Variants in RAB7A observed in about 807,000 individuals in gnomAD.
RAB7A encodes ras-related protein Rab-7a.
In RAB7A, 2 loss-of-function variants were observed where a neutral mutation model predicts 24.5. The observed-to-expected ratio is 0.08, with a 90% CI of 0.03 to 0.26. The LOEUF is 0.26. Among genes scored for constraint, RAB7A ranks in the 10% least tolerant of loss-of-function variants. The pLI, the probability that RAB7A is intolerant of heterozygous loss-of-function variation, is 1.00. For missense variants in RAB7A, 118 were observed against 255.7 expected, an observed-to-expected ratio of 0.46 and a Z score of 3.67; for synonymous variants, 100 against 95.9, an observed-to-expected ratio of 1.04 and a Z score of -0.25.
intron 1 of RAB7A, among the ~76,000 whole-genome samples, chr3:128,793,341 G>T (rs1036752807): frequency 1.3e-5 from 2 of 151,576 alleles, no homozygotes; most frequent in African/African-American, 4.9e-5. Flanking sequence ...TTTTAGTAGA[G>T]ACAGGGTTTC....
intron 1 of RAB7A, among the ~76,000 whole-genome samples, chr3:128,780,043 C>G (rs1276105464): frequency 6.6e-6 from 1 of 152,202 alleles, no homozygotes; most frequent in Non-Finnish European, 1.5e-5. Context: ...GCTGTATTCT[C>G]ATGCTGATCA....
At chr3:128,809,239 ATC>A (rs765940895) in intron 5 of RAB7A, among the ~76,000 whole-genome samples, 7 of 152,120 alleles carry the variant, frequency 4.6e-5, no homozygotes, top group Non-Finnish European at 2.9e-5. Context: ...CGGAGGGTGT[ATC>A]TTATTGTAAG....
At chr3:128,730,481 G>A (rs2070425237) in intron 1 of RAB7A, among the ~76,000 whole-genome samples, 1 of 152,190 alleles carries the variant, frequency 6.6e-6, no homozygotes, top group Admixed American at 6.5e-5. Flanking sequence ...ACCCGCCTCG[G>A]CCTCCCAAAG....
intron 1 of RAB7A, among the ~76,000 whole-genome samples, chr3:128,773,906 A>T (rs966474788): frequency 3.4e-4 from 51 of 151,356 alleles, no homozygotes; most frequent in Admixed American, 9.2e-4. Context: ...AGTCATCACC[A>T]CTCCCTAATC....
intron 1 of RAB7A, among the ~76,000 whole-genome samples, chr3:128,752,238 A>G (rs2070689485): frequency 6.6e-6 from 1 of 152,220 alleles, no homozygotes; most frequent in Non-Finnish European, 1.5e-5. Flanking sequence ...TACCAACTGT[A>G]TACTGACTAC....
At chr3:128,800,465 T>C (rs1933674640) in intron 3 of RAB7A, among the ~76,000 whole-genome samples, 2 of 152,164 alleles carry the variant, frequency 1.3e-5, no homozygotes, top group African/African-American at 4.8e-5. Flanking sequence ...ACTACTAAGC[T>C]GGGACCTTGG....
At chr3:128,803,075 C>T (rs937003663) in intron 3 of RAB7A, among the ~76,000 whole-genome samples, 2 of 151,984 alleles carry the variant, frequency 1.3e-5, no homozygotes, top group Admixed American at 6.6e-5. Flanking sequence ...CTCCCAAAGT[C>T]CTGGGATTAC....
At position 128,778,944 on chromosome 3, in the gene RAB7A, A is replaced by C. The variant is rs114510414; in HGVS notation, c.-8-16416A>C. Among the ~76,000 whole-genome samples the C allele has an allele frequency of 9.0e-4, 137 of 152,358 alleles. 1 individual carries two copies. Among genetic ancestry groups the C allele is most frequent in the African/African-American group, 3.1e-3 (130 of 41,576 alleles). On this transcript the variant is annotated intron_variant, in intron 1 of 5. Coordinates refer to ENST00000265062, the MANE Select transcript of RAB7A (RefSeq NM_004637.6). ...AACAAGGCAGGGAGAAGAACTACAC[A>C]GAGACAGAATCTAGTTCACTGCATG...
rs921457108 is a variant in RAB7A, at chr3:128,764,873, A to G, written c.-8-30487A>G. 6 of 1,322,256 alleles carry G rather than the reference A, an allele frequency of 4.5e-6. No homozygotes were observed. In the South Asian group the frequency reaches 5.9e-5, roughly 13 times the overall value. The allele number at this position is 1,322,256 out of a possible 1,614,324, so 81.9% of individuals were successfully genotyped here. A position where few individuals can be genotyped will look rare whatever the true frequency, so the allele number is the denominator to read the frequency against. ...AGAAAGTATGTGGCAAAGTTCCTCA[A>G]AGCCACATCATCGCGGTCAAAGTTG... is the stretch of plus-strand genomic sequence containing the variant. On this transcript the variant is annotated intron_variant, in intron 1 of 5. Coordinates refer to ENST00000265062, the MANE Select transcript of RAB7A (RefSeq NM_004637.6).
chr3:128,745,563 G>A (rs1332076692), intron 1 of RAB7A, among the ~76,000 whole-genome samples: 1 of 151,898 alleles, frequency 6.6e-6, no homozygotes, highest in Non-Finnish European at 1.5e-5. Flanking sequence ...ACGGGGTTTC[G>A]CCATGTTGGC....
At chr3:128,751,068 C>T (rs1320121246) in intron 1 of RAB7A, among the ~76,000 whole-genome samples, 2 of 152,226 alleles carry the variant, frequency 1.3e-5, no homozygotes, top group African/African-American at 4.8e-5. Flanking sequence ...GCCTAGATTT[C>T]AGAGGATGCA....
At chr3:128,795,692 G>GGCT (rs1213881833) in intron 2 of RAB7A, among the ~76,000 whole-genome samples, 1 of 149,876 alleles carries the variant, frequency 6.7e-6, no homozygotes, top group Non-Finnish European at 1.5e-5. Context: ...AAGCTGGCCA[G>GGCT]GCTGGGGAGT....
intron 1 of RAB7A, among the ~76,000 whole-genome samples, chr3:128,740,813 A>T (rs2070544819): frequency 6.8e-6 from 1 of 147,506 alleles, no homozygotes; most frequent in African/African-American, 2.5e-5. Context: ...TCAGGGGAGG[A>T]TCACTTGAGC....
At chr3:128,758,013 A>G (rs1358094634) in intron 1 of RAB7A, among the ~76,000 whole-genome samples, 2 of 152,092 alleles carry the variant, frequency 1.3e-5, no homozygotes, top group Admixed American at 1.3e-4. Context: ...CCCAGGCTGG[A>G]GTACAGTGGT....
At chr3:128,744,022 C>T (rs922223254) in intron 1 of RAB7A, among the ~76,000 whole-genome samples, 1 of 151,812 alleles carries the variant, frequency 6.6e-6, no homozygotes, top group Non-Finnish European at 1.5e-5. Flanking sequence ...TTCCTGACCT[C>T]AGATGATCCA....
chr3:128,802,709 A>G (rs1009652436), intron 3 of RAB7A, among the ~76,000 whole-genome samples: 5 of 151,708 alleles, frequency 3.3e-5, no homozygotes, highest in Non-Finnish European at 7.4e-5. Context: ...GGGTTTCACC[A>G]TGTTAGCCAG....
intron 1 of RAB7A, among the ~76,000 whole-genome samples, chr3:128,781,142 T>C (rs1428450620): frequency 6.6e-6 from 1 of 152,220 alleles, no homozygotes; most frequent in Non-Finnish European, 1.5e-5. Context: ...CATGTCTGCA[T>C]TGACATGGAT....
intron 3 of RAB7A, among the ~76,000 whole-genome samples, chr3:128,805,395 C>T (rs568729899): frequency 2.2e-4 from 33 of 152,206 alleles, no homozygotes; most frequent in African/African-American, 6.3e-4. Flanking sequence ...TTATCATGTT[C>T]GTCCGGCTCT....
At chr3:128,797,449 C>T (rs1231158879) in intron 2 of RAB7A, among the ~76,000 whole-genome samples, 1 of 152,180 alleles carries the variant, frequency 6.6e-6, no homozygotes. Flanking sequence ...TTTTCTGCTT[C>T]AGATTTTAAA....
Sources: gnomAD v4.1 joint callset for allele counts (sites outside exome capture counted in the v4.1 genomes callset) on GRCh38, gnomAD v4.1.1 for gene constraint, MANE v1.5 for transcripts, NCBI Gene and HGNC (gene_info 2026-07-23, HGNC 2026-07-21) for gene names.